The following ASPH variants were observed in gnomAD, a reference collection of about 807,000 sequenced individuals.
ASPH encodes the protein aspartate beta-hydroxylase.
ASPH carries 100 observed loss-of-function variants against 118.4 expected under a neutral mutation model. The observed-to-expected ratio is 0.84, with a 90% CI of 0.72 to 1.00. ASPH has a LOEUF of 1.00. Ranked by LOEUF, ASPH falls within the 50% of genes least tolerant of loss-of-function variation. The probability of loss-of-function intolerance (pLI) is 0.00; values close to 1 mark genes in which losing one functional copy is unlikely to be tolerated. For missense variants in ASPH, 920 were observed against 919.5 expected, an observed-to-expected ratio of 1.00 and a Z score of -0.01; for synonymous variants, 315 against 325.6, an observed-to-expected ratio of 0.97 and a Z score of 0.35.
At chr8:61,625,825 T>C (rs2150608493) in intron 13 of ASPH, 1 of 988,912 alleles carries the variant, frequency 1.0e-6, no homozygotes, top group South Asian at 4.7e-5. Flanking sequence ...GTACTCTTAA[T>C]AGCTTTTAAA....
intron 24 of ASPH, among the ~76,000 whole-genome samples, chr8:61,513,980 T>C (rs1445247706): frequency 6.6e-6 from 1 of 152,136 alleles, no homozygotes; most frequent in East Asian, 1.9e-4. Flanking sequence ...TCTCCCAGCA[T>C]CACTCCTGCA....
intron 16 of ASPH, chr8:61,576,507 G>A: frequency 2.8e-6 from 1 of 352,352 alleles, no homozygotes; most frequent in Non-Finnish European, 5.1e-6. Context: ...TGGGACATGA[G>A]GGGATGGTAA....
chr8:61,625,592 T>G (rs891164935), intron 13 of ASPH: 15 of 983,868 alleles, frequency 1.5e-5, no homozygotes, highest in African/African-American at 1.7e-5. Flanking sequence ...AGCTTTCCCC[T>G]CTCATTTAAA....
At chr8:61,591,031 A>C (rs1840958930) in intron 14 of ASPH, among the ~76,000 whole-genome samples, 1 of 152,162 alleles carries the variant, frequency 6.6e-6, no homozygotes, top group South Asian at 2.1e-4. Flanking sequence ...CGGTATATAC[A>C]CAGTGCTCGC....
In ASPH at chr8:61,684,011, A is replaced by T. The variant is rs755764195; in HGVS notation, c.253+28T>A. 1.3e-5 allele frequency: 21 copies of T among 1,609,218 alleles called. No homozygotes were observed. The South Asian group carries it at 2.2e-4, about 17-fold the overall frequency. On this transcript the variant is annotated intron_variant, in intron 2 of 24. Transcript: ENST00000379454. ...AGAGATGTCACTTACTCTCTTACAA[A>T]TTCACATAAGGATATCAAAATTCTT... is the stretch of plus-strand genomic sequence containing the variant.
intron 14 of ASPH, among the ~76,000 whole-genome samples, chr8:61,592,293 G>A (rs1329939871): frequency 6.6e-6 from 1 of 152,002 alleles, no homozygotes; most frequent in Non-Finnish European, 1.5e-5. Flanking sequence ...TAATTAAGTG[G>A]GAAATGTGCC....
intron 22 of ASPH, among the ~76,000 whole-genome samples, chr8:61,521,062 C>T (rs772304660): frequency 3.3e-5 from 5 of 152,202 alleles, no homozygotes; most frequent in Admixed American, 6.5e-5. Flanking sequence ...AGGAATGCAA[C>T]GGCAGTTCCT....
At chr8:61,540,057 C>G (rs1821284704) in intron 21 of ASPH, among the ~76,000 whole-genome samples, 1 of 152,106 alleles carries the variant, frequency 6.6e-6, no homozygotes, top group Non-Finnish European at 1.5e-5. Flanking sequence ...GGGCAACAAC[C>G]TACTCAATTT....
intron 3 of ASPH, chr8:61,676,238 C>A: frequency 6.3e-7 from 1 of 1,595,562 alleles, no homozygotes; most frequent in Non-Finnish European, 8.5e-7. Context: ...ACCATAAAAC[C>A]AATCTGAACT....
chr8:61,626,078 ATG>A lies in ASPH; in HGVS notation c.935-7061_935-7060del, dbSNP rs568581037. ...GGAATGTAACATGACATTTTTAGAA[ATG>A]TGTGTTTCTAAAAAGAAAAAAAAAT... On this transcript the variant is annotated intron_variant, in intron 13 of 24. Coordinates refer to ENST00000379454, the MANE Select transcript of ASPH (RefSeq NM_004318.4). 4.7e-5 allele frequency: 58 copies of A among 1,244,188 alleles called. No individual in the cohort carries two copies. The Admixed American group carries it at 1.2e-3, about 25-fold the overall frequency. 77.1% of individuals were successfully genotyped at this position (1,244,188 alleles called of 1,614,324 possible).
chr8:61,691,057 T>C (rs1281941660), intron 1 of ASPH, among the ~76,000 whole-genome samples: 2 of 152,204 alleles, frequency 1.3e-5, no homozygotes, highest in Non-Finnish European at 2.9e-5. Context: ...TTACTACTAT[T>C]GATATTTACT....
rs760369329 is a variant in ASPH, at chr8:61,646,801, T to A, written c.568A>T (p.Thr190Ser). 6.2e-6 allele frequency: 10 copies of A among 1,613,926 alleles called. No homozygotes were observed. Among genetic ancestry groups the A allele is most frequent in the African/African-American group, 1.3e-5 (1 of 74,910 alleles). The change falls in exon 6 of 25, where the codon ACT becomes TCT. Residue 190 changes from threonine to serine, a missense_variant. Thr to Ser is a moderately conservative substitution (Grantham distance 58). Coordinates refer to ENST00000379454, the MANE Select transcript of ASPH (RefSeq NM_004318.4). ...GTCTCAAATCTATCATCTACATCAG[T>A]CGCCATAAGAAACTCATCATCCTCT... ...QQEDDEFLMA[T>S]DVDDRFETLE...
chr8:61,522,301 AC>A (rs1447255027), intron 22 of ASPH, among the ~76,000 whole-genome samples: 1 of 152,184 alleles, frequency 6.6e-6, no homozygotes, highest in Non-Finnish European at 1.5e-5. Flanking sequence ...AATACCACAG[AC>A]TGAGTGGCTT....
intron 13 of ASPH, 109 bp downstream of exon 13, chr8:61,633,572 ATC>A: frequency 1.1e-6 from 1 of 915,546 alleles, no homozygotes; most frequent in East Asian, 2.7e-5. Flanking sequence ...GGTACAGTTA[ATC>A]TCTCTCAAAA....
At chr8:61,636,723 G>A (rs6471965) in intron 12 of ASPH, among the ~76,000 whole-genome samples, 128,173 of 152,210 alleles carry the variant, frequency 0.84, 54,175 homozygotes, top group African/African-American at 0.9. Flanking sequence ...TCTATAAACC[G>A]TATGTAGGGT....
At chr8:61,547,271 A>G (rs1781106312) in intron 21 of ASPH, among the ~76,000 whole-genome samples, 1 of 152,214 alleles carries the variant, frequency 6.6e-6, no homozygotes, top group Admixed American at 6.5e-5. Flanking sequence ...TTTTATAGCT[A>G]TTTAGAATCA....
rs1354570262 is a variant in ASPH, at chr8:61,561,140, A to G, written c.1437+1604T>C. Among the ~76,000 whole-genome samples the G allele has an allele frequency of 7.1e-4, 103 of 144,384 alleles. 3 individuals are homozygous for G. The highest frequency in any genetic ancestry group is 2.3e-3 in the African/African-American group (85 of 37,344). 94.7% of individuals were successfully genotyped at this position (144,384 alleles called of 152,430 possible). On this transcript the variant is annotated intron_variant, in intron 18 of 24. Transcript: ENST00000379454. ...GGAGGGAGGGAGGGAGGGAGGGAGG[A>G]AGGAAGTTAGGAATTCTACAAGTTC...
chr8:61,551,116 C>T (rs1309786437), intron 20 of ASPH, among the ~76,000 whole-genome samples: 1 of 152,222 alleles, frequency 6.6e-6, no homozygotes, highest in Non-Finnish European at 1.5e-5. Flanking sequence ...CTAAATCTAG[C>T]TAGAACGTGG....
chr8:61,524,130 C>T (rs1022662379), intron 22 of ASPH, among the ~76,000 whole-genome samples: 3 of 152,120 alleles, frequency 2.0e-5, no homozygotes, highest in Non-Finnish European at 4.4e-5. Flanking sequence ...AACACATGCT[C>T]AATCACACAC....
Sources: gnomAD v4.1 joint callset for allele counts (sites outside exome capture counted in the v4.1 genomes callset) on GRCh38, gnomAD v4.1.1 for gene constraint, MANE v1.5 for transcripts, NCBI Gene and HGNC (gene_info 2026-07-23, HGNC 2026-07-21) for gene names.